SHCBP1L: variants seen among roughly 807,000 people sequenced by gnomAD.
SHCBP1L encodes testicular spindle-associated protein SHCBP1L.
SHCBP1L carries 67 observed loss-of-function variants against 62.5 expected under a neutral mutation model. That is an observed-to-expected ratio of 1.07 (90% confidence interval 0.88 to 1.31). The LOEUF (loss-of-function observed/expected upper bound fraction) is 1.31, where lower values mean the gene tolerates loss of function less well. SHCBP1L is among the 40% of genes most tolerant of loss of function. The pLI, the probability that SHCBP1L is intolerant of heterozygous loss-of-function variation, is 0.00. For missense variants in SHCBP1L, 823 were observed against 809.8 expected, an observed-to-expected ratio of 1.02 and a Z score of -0.20; for synonymous variants, 284 against 289.4, an observed-to-expected ratio of 0.98 and a Z score of 0.19.
In SHCBP1L at chr1:182,900,134, A is replaced by G. The variant is rs1208345335; in HGVS notation, c.1811T>C (p.Val604Ala). ...ILQPMEQFFIVAEEALNKRAS... is the reference protein window; with the variant it reads ...ILQPMEQFFIAAEEALNKRAS... Reference sequence around the variant, plus strand: ...CCTTTTGTTGAGAGCTTCTTCTGCTACGATAAAAAACTGTTCCATTGGTTG... The same window carrying G: ...CCTTTTGTTGAGAGCTTCTTCTGCTGCGATAAAAAACTGTTCCATTGGTTG... Residue 604 changes from valine (V) to alanine (A), a missense_variant, in exon 10 of 10, where the codon GTA becomes GCA. Coordinates refer to ENST00000367547, the MANE Select transcript of SHCBP1L (RefSeq NM_030933.4). 1 of 1,612,382 alleles carries G rather than the reference A, an allele frequency of 6.2e-7. No homozygotes were observed. Among genetic ancestry groups the G allele is most frequent in the Non-Finnish European group, 8.5e-7 (1 of 1,179,110 alleles).
At chr1:182,941,200 A>G (rs542344576) in intron 2 of SHCBP1L, among the ~76,000 whole-genome samples, 1 of 151,762 alleles carries the variant, frequency 6.6e-6, no homozygotes, top group Non-Finnish European at 1.5e-5. Flanking sequence ...TTAAAAAAAA[A>G]AAGCCCTGCT....
Position 182,939,386 on chromosome 1 carries a change from T to C in SHCBP1L, c.866A>G (p.Asp289Gly). The C allele has an allele frequency of 6.2e-7, 1 of 1,612,556 alleles. No individual in the cohort carries two copies. The highest frequency in any genetic ancestry group is 8.5e-7 in the Non-Finnish European group (1 of 1,179,542). Residue 289 changes from aspartate (D) to glycine (G), a missense_variant, in exon 5 of 10, where the codon GAT (aspartate) becomes GGT (glycine). Asp to Gly is a moderately conservative substitution (Grantham distance 94). Coordinates refer to ENST00000367547, the MANE Select transcript of SHCBP1L (RefSeq NM_030933.4). Reference sequence around the variant, plus strand: ...ACCAGGTATTGTTCCATCCTGTATATCACACCACCTGAAAATTATCAACAT... The same window carrying C: ...ACCAGGTATTGTTCCATCCTGTATACCACACCACCTGAAAATTATCAACAT... ...LIEERINLWC[D>G]IQDGTIPGPI...
In SHCBP1L at chr1:182,922,590, A is replaced by T. The variant is rs373070848; in HGVS notation, c.1182+7057T>A. 3.3e-5 allele frequency among the ~76,000 whole-genome samples: 5 copies of T among 152,068 alleles called. No individual in the cohort carries two copies. In the South Asian group the frequency reaches 8.3e-4, roughly 25 times the overall value. On this transcript the variant is annotated intron_variant, in intron 6 of 9. Transcript: ENST00000367547. Reference sequence around the variant, plus strand: ...AAAGAAAGAAATCAATACTAAGAAGACCTTTCAAAATCATACAATTACTTG... The same window carrying T: ...AAAGAAAGAAATCAATACTAAGAAGTCCTTTCAAAATCATACAATTACTTG...
chr1:182,900,591 C>A (rs984250539), intron 9 of SHCBP1L, among the ~76,000 whole-genome samples: 1 of 152,158 alleles, frequency 6.6e-6, no homozygotes, highest in Non-Finnish European at 1.5e-5. Context: ...TGCCACCACA[C>A]CTGGCTAATT....
rs374111916 is a variant in SHCBP1L at position 182,952,322 on chromosome 1, G to A, written c.405+407C>T. Among the ~76,000 whole-genome samples, 7 of 145,036 alleles carry A rather than the reference G, an allele frequency of 4.8e-5. No homozygotes were observed. In the East Asian group the frequency reaches 1.0e-3, roughly 21 times the overall value. Reference sequence around the variant, plus strand: ...CGCATTGTGGACTGCTGAGTGGGAAGTACCCTTAAAGTAATTTCTAGCATT... The same window carrying A: ...CGCATTGTGGACTGCTGAGTGGGAAATACCCTTAAAGTAATTTCTAGCATT... On this transcript the variant is annotated intron_variant, in intron 1 of 9. Transcript: ENST00000367547.
At chr1:182,929,613 C>T in intron 6 of SHCBP1L, 34 bp downstream of exon 6, 7 of 1,416,402 alleles carry the variant, frequency 4.9e-6, no homozygotes, top group Non-Finnish European at 3.8e-6. Flanking sequence ...ACAGCTAATA[C>T]TTAAATAACA....
intron 2 of SHCBP1L, among the ~76,000 whole-genome samples, chr1:182,949,238 C>T (rs1651669502): frequency 6.6e-6 from 1 of 151,288 alleles, no homozygotes; most frequent in African/African-American, 2.4e-5. Flanking sequence ...TGTTAAGCTT[C>T]CACATAAAAC....
Position 182,904,400 on chromosome 1 carries a change from G to A in SHCBP1L, c.1367C>T (p.Thr456Ile). The change falls in exon 8 of 10, where the codon ACT becomes ATT. Residue 456 changes from threonine to isoleucine, a missense_variant. Transcript: ENST00000367547. ...GVGKREEIMI[T>I]SEPSRDSFVV... The stretch of plus-strand genomic sequence containing the variant: ...AAAACTGTCACGAGAAGGTTCAGAA[G>A]TAATCATAATTTCCTCTCTCTTTCC... The A allele has an allele frequency of 6.2e-7, 1 of 1,614,100 alleles. No homozygotes were observed. The highest frequency in any genetic ancestry group is 8.5e-7 in the Non-Finnish European group (1 of 1,180,000).
intron 5 of SHCBP1L, among the ~76,000 whole-genome samples, chr1:182,937,768 A>G (rs1651226488): frequency 6.6e-6 from 1 of 152,116 alleles, no homozygotes; most frequent in Non-Finnish European, 1.5e-5. Flanking sequence ...CTTTAAACTC[A>G]TTATTAATTC....
intron 9 of SHCBP1L, among the ~76,000 whole-genome samples, chr1:182,901,422 A>G (rs528747864): frequency 1.1e-4 from 16 of 152,244 alleles, no homozygotes; most frequent in African/African-American, 3.9e-4. Flanking sequence ...GCGCCATTAC[A>G]CTCCAGCCTG....
intron 5 of SHCBP1L, among the ~76,000 whole-genome samples, chr1:182,933,092 G>C (rs2101945463): frequency 6.6e-6 from 1 of 151,852 alleles, no homozygotes; most frequent in African/African-American, 2.4e-5. Context: ...TTTTAGTAGA[G>C]ACGGGGTTTC....
chr1:182,938,414 C>T (rs1415118557), intron 5 of SHCBP1L, among the ~76,000 whole-genome samples: 1 of 151,288 alleles, frequency 6.6e-6, no homozygotes, highest in Non-Finnish European at 1.5e-5. Context: ...TGTGCTTCTT[C>T]TTTTATTTTT....
Position 182,939,335 on chromosome 1 carries a change from G to C in SHCBP1L, c.917C>G (p.Thr306Ser), listed in dbSNP as rs1558002735. ...PGPIAQRFKK[T>S]LEKYKNKRVE... ...ACGTTTGTTTTTATATTTCTCCAAA[G>C]TTTTTTTAAAACGTTGTGCGATAGG... Residue 306 changes from threonine (T) to serine (S), a missense_variant, in exon 5 of 10, where the codon ACT becomes AGT. Coordinates refer to ENST00000367547, the MANE Select transcript of SHCBP1L (RefSeq NM_030933.4). 3 of 1,613,840 alleles carry C rather than the reference G, an allele frequency of 1.9e-6. No homozygotes were observed. Among genetic ancestry groups the C allele is most frequent in the Non-Finnish European group, 2.5e-6 (3 of 1,179,918 alleles).
chr1:182,924,788 G>GAAAGAAAGAA (rs1414052337), intron 6 of SHCBP1L, among the ~76,000 whole-genome samples: 85 of 93,010 alleles, frequency 9.1e-4, no homozygotes, highest in Middle Eastern at 6.3e-3. Context: ...AAGAAAGAAA[G>GAAAGAAAGAA]AGAGAAAGAA....
At chr1:182,924,761 AAAG>A (rs1650644259) in intron 6 of SHCBP1L, among the ~76,000 whole-genome samples, 1 of 110,494 alleles carries the variant, frequency 9.1e-6, no homozygotes, top group African/African-American at 6.0e-5. Flanking sequence ...AGAAAGAAAG[AAAG>A]AAAGAAAGAA....
intron 2 of SHCBP1L, among the ~76,000 whole-genome samples, chr1:182,943,581 G>T (rs1429055125): frequency 6.6e-6 from 1 of 151,412 alleles, no homozygotes; most frequent in African/African-American, 2.4e-5. Context: ...CAAGTAGCTG[G>T]GATTACAGGC....
chr1:182,931,746 G>A (rs1482520227), intron 5 of SHCBP1L, among the ~76,000 whole-genome samples: 2 of 151,964 alleles, frequency 1.3e-5, no homozygotes, highest in African/African-American at 2.4e-5. Flanking sequence ...CGTTACAACC[G>A]ATGAACCTAT....
intron 6 of SHCBP1L, among the ~76,000 whole-genome samples, chr1:182,919,726 G>C (rs754729888): frequency 5.3e-5 from 8 of 152,172 alleles, no homozygotes; most frequent in Non-Finnish European, 1.2e-4. Context: ...TGGAATGGTC[G>C]TTCACTGAGG....
intron 2 of SHCBP1L, chr1:182,942,496 C>T (rs1163675618): frequency 4.8e-6 from 3 of 628,440 alleles, no homozygotes; most frequent in Middle Eastern, 4.3e-4. Flanking sequence ...TGCCACTCCT[C>T]CCGCCGCCCG....
Sources: gnomAD v4.1 joint callset for allele counts (sites outside exome capture counted in the v4.1 genomes callset) on GRCh38, gnomAD v4.1.1 for gene constraint, MANE v1.5 for transcripts, NCBI Gene and HGNC (gene_info 2026-07-23, HGNC 2026-07-21) for gene names.